The following UNC13C variants were observed in gnomAD, a reference collection of about 807,000 sequenced individuals.
The protein encoded by UNC13C is unc-13 homolog C.
A neutral mutation model predicts 245.4 loss-of-function variants in UNC13C; 174 were observed. The observed-to-expected ratio is 0.71, with a 90% CI of 0.63 to 0.80. The LOEUF (loss-of-function observed/expected upper bound fraction) is 0.80, where lower values mean the gene tolerates loss of function less well. Among genes scored for constraint, UNC13C ranks in the 30% least tolerant of loss-of-function variants. The probability of loss-of-function intolerance (pLI) is 0.00; values close to 1 mark genes in which losing one functional copy is unlikely to be tolerated. For missense variants in UNC13C, 2,829 were observed against 2,602.9 expected (o/e 1.09, Z -1.89); for synonymous variants, 992 against 895.1 (o/e 1.11, Z -1.93).
intron 4 of UNC13C, among the ~76,000 whole-genome samples, chr15:54,172,703 GATATATAT>G (rs56316345): frequency 8.3e-4 from 65 of 78,418 alleles, no homozygotes; most frequent in African/African-American, 2.4e-3. Flanking sequence ...TACACACACA[GATATATAT>G]ATATATATAT....
chr15:54,272,703 C>T (rs1309888721), intron 10 of UNC13C, among the ~76,000 whole-genome samples: 2 of 152,134 alleles, frequency 1.3e-5, no homozygotes, highest in South Asian at 2.1e-4. Context: ...TTCTACTGTT[C>T]GCTTGCTAAA....
At chr15:54,151,166 C>T (rs970780934) in intron 4 of UNC13C, among the ~76,000 whole-genome samples, 1 of 152,106 alleles carries the variant, frequency 6.6e-6, no homozygotes, top group Non-Finnish European at 1.5e-5. Flanking sequence ...CCCCCATCTT[C>T]GGGTAATATT....
chr15:54,172,527 G>A (rs1285569380), intron 4 of UNC13C, among the ~76,000 whole-genome samples: 1 of 151,172 alleles, frequency 6.6e-6, no homozygotes, highest in East Asian at 1.9e-4. Context: ...TTTTCTTGAT[G>A]AGTAGTATAC....
the UNC13C span, among the ~76,000 whole-genome samples, chr15:53,892,961 T>C: frequency 2.0e-5 from 3 of 152,160 alleles, no homozygotes; most frequent in Admixed American, 2.0e-4. Context: ...GTTCTGGTTT[T>C]TGGAGTTTTC....
the UNC13C span, among the ~76,000 whole-genome samples, chr15:53,845,033 T>C: frequency 6.6e-6 from 1 of 152,076 alleles, no homozygotes; most frequent in East Asian, 1.9e-4. Flanking sequence ...CTGATTATAT[T>C]AAAAATTGAA....
At chr15:54,493,716 A>G (rs1476199809) in intron 19 of UNC13C, among the ~76,000 whole-genome samples, 1 of 152,122 alleles carries the variant, frequency 6.6e-6, no homozygotes, top group Non-Finnish European at 1.5e-5. Flanking sequence ...ATAGCTAGGT[A>G]TATTTTAGGT....
intron 2 of UNC13C, among the ~76,000 whole-genome samples, chr15:54,063,491 G>A (rs1257027306): frequency 3.9e-5 from 6 of 152,110 alleles, no homozygotes; most frequent in East Asian, 1.9e-4. Context: ...ATCAGCTCTC[G>A]GTAAAGGATA....
intron 2 of UNC13C, among the ~76,000 whole-genome samples, chr15:54,084,310 G>C (rs1899120026): frequency 6.6e-6 from 1 of 152,196 alleles, no homozygotes; most frequent in African/African-American, 2.4e-5. Context: ...GTGTATAACG[G>C]AGTGGGTGGG....
chr15:54,134,575 A>G (rs1416636823), intron 2 of UNC13C, among the ~76,000 whole-genome samples: 4 of 152,042 alleles, frequency 2.6e-5, no homozygotes, highest in Non-Finnish European at 5.9e-5. Flanking sequence ...ACTGGAGTGC[A>G]GTGGCGCGAT....
chr15:54,434,881 T>A (rs2040948384), intron 19 of UNC13C, among the ~76,000 whole-genome samples: 1 of 151,746 alleles, frequency 6.6e-6, no homozygotes, highest in South Asian at 2.1e-4. Context: ...CTTAAACAAA[T>A]TTACAAGAAA....
chr15:54,339,625 A>T (rs1596248754), intron 17 of UNC13C, among the ~76,000 whole-genome samples: 3 of 147,430 alleles, frequency 2.0e-5, no homozygotes, highest in South Asian at 4.4e-4. Flanking sequence ...GAATAGTAGT[A>T]TTCCATTATG....
intron 4 of UNC13C, among the ~76,000 whole-genome samples, chr15:54,223,055 G>GT (rs2035275322): frequency 6.6e-6 from 1 of 152,002 alleles, no homozygotes; most frequent in African/African-American, 2.4e-5. Flanking sequence ...GTCTCTTCAC[G>GT]TTGTTGATTG....
chr15:54,584,062 G>A (rs564354540), intron 30 of UNC13C, among the ~76,000 whole-genome samples: 29 of 152,200 alleles, frequency 1.9e-4, no homozygotes, highest in Admixed American at 1.3e-4. Context: ...CTGTTCCTGC[G>A]TTTTGGTTTC....
the UNC13C span, among the ~76,000 whole-genome samples, chr15:53,901,381 A>G: frequency 6.7e-6 from 1 of 149,342 alleles, no homozygotes; most frequent in Non-Finnish European, 1.5e-5. Flanking sequence ...CACCATGCCT[A>G]GCTATTTTTT....
intron 19 of UNC13C, among the ~76,000 whole-genome samples, chr15:54,474,601 A>C (rs1439906614): frequency 2.6e-5 from 4 of 151,966 alleles, no homozygotes; most frequent in Admixed American, 2.6e-4. Flanking sequence ...TTGTCAGATG[A>C]ATAGTTTGCA....
intron 18 of UNC13C, among the ~76,000 whole-genome samples, chr15:54,398,491 G>A (rs1039088289): frequency 6.6e-6 from 1 of 151,194 alleles, no homozygotes; most frequent in African/African-American, 2.4e-5. Context: ...ATTTCCTCCA[G>A]TATAATTTGC....
upstream of UNC13C, among the ~76,000 whole-genome samples, chr15:53,975,413 CAGAG>C (rs1193762653): frequency 6.6e-6 from 1 of 152,100 alleles, no homozygotes; most frequent in Non-Finnish European, 1.5e-5. Context: ...TGCATGGAAA[CAGAG>C]AGCCAATGAT....
intron 17 of UNC13C, among the ~76,000 whole-genome samples, chr15:54,379,798 T>A (rs891205644): frequency 2.0e-5 from 3 of 152,206 alleles, no homozygotes; most frequent in Admixed American, 1.3e-4. Flanking sequence ...ATTCTCTGTA[T>A]AAGTTGCAAT....
chr15:53,925,834 T>TCG, the UNC13C span, among the ~76,000 whole-genome samples: 1 of 152,216 alleles, frequency 6.6e-6, no homozygotes. Context: ...ATCTTGTGAA[T>TCG]GATCGCCATG....
Sources: gnomAD v4.1 joint callset for allele counts (sites outside exome capture counted in the v4.1 genomes callset) on GRCh38, gnomAD v4.1.1 for gene constraint, MANE v1.5 for transcripts, NCBI Gene and HGNC (gene_info 2026-07-23, HGNC 2026-07-21) for gene names.